Variants in OSTF1 observed in about 807,000 individuals in gnomAD.
OSTF1 encodes osteoclast stimulating factor 1.
OSTF1 carries 27 observed loss-of-function variants against 37.2 expected under a neutral mutation model. The observed-to-expected ratio is 0.73, with a 90% CI of 0.54 to 1.00. The LOEUF (loss-of-function observed/expected upper bound fraction) is 1.00, where lower values mean the gene tolerates loss of function less well. OSTF1 is among the 50% of genes least tolerant of loss of function. The pLI is 0.00. For missense variants in OSTF1, 232 were observed against 253.8 expected, an observed-to-expected ratio of 0.91 and a Z score of 0.58; for synonymous variants, 82 against 89.2, an observed-to-expected ratio of 0.92 and a Z score of 0.46.
chr9:75,091,117 G>A (rs1313727203), intron 1 of OSTF1, among the ~76,000 whole-genome samples: 2 of 122,978 alleles, frequency 1.6e-5, no homozygotes, highest in East Asian at 2.5e-4. Context: ...ACAGACTCTC[G>A]CTCTGTTGCC....
rs1035372295 is a variant in OSTF1 at position 75,088,550 on chromosome 9, C to A, written c.-143C>A. 3 of 876,100 alleles carry A rather than the reference C, an allele frequency of 3.4e-6. No individual in the cohort carries two copies. The highest frequency in any genetic ancestry group is 2.2e-5 in the Admixed American group (1 of 45,524). The allele number at this position is 876,100 out of a possible 1,614,324, so 54.3% of individuals were successfully genotyped here. A position where few individuals can be genotyped will look rare whatever the true frequency, so the allele number is the denominator to read the frequency against. On this transcript the variant is annotated 5_prime_UTR_variant, in exon 1 of 10. Coordinates refer to ENST00000346234, the MANE Select transcript of OSTF1 (RefSeq NM_012383.5). Reference sequence around the variant, plus strand: ...CCGCTCTGCCTGCGTCCGCTCTTCCCGCAGCCAAGGGTGGGCGCCGGTCCT... The same window carrying A: ...CCGCTCTGCCTGCGTCCGCTCTTCCAGCAGCCAAGGGTGGGCGCCGGTCCT...
intron 2 of OSTF1, among the ~76,000 whole-genome samples, chr9:75,124,689 C>T (rs1162141300): frequency 6.6e-6 from 1 of 152,184 alleles, no homozygotes; most frequent in African/African-American, 2.4e-5. Context: ...TCCCTATTCC[C>T]CCTGACTTTA....
intron 1 of OSTF1, among the ~76,000 whole-genome samples, chr9:75,115,906 C>A (rs1825480249): frequency 6.6e-6 from 1 of 151,920 alleles, no homozygotes. Context: ...GAGTTGGAGA[C>A]CAGCCTGGCC....
chr9:75,088,526 C>A lies in OSTF1; in HGVS notation c.-167C>A, dbSNP rs897361157. Reference sequence around the variant, plus strand: ...GGCGGGGCGGAGCACTCGGCGGAGCCGCTCTGCCTGCGTCCGCTCTTCCCG... The same window carrying A: ...GGCGGGGCGGAGCACTCGGCGGAGCAGCTCTGCCTGCGTCCGCTCTTCCCG... On this transcript the variant is annotated 5_prime_UTR_variant, in exon 1 of 10. Transcript: ENST00000346234. 4 of 718,216 alleles carry A rather than the reference C, an allele frequency of 5.6e-6. No homozygotes were observed. Among genetic ancestry groups the A allele is most frequent in the South Asian group, 5.1e-5 (3 of 58,482 alleles). The allele number at this position is 718,216 out of a possible 1,614,324, so 44.5% of individuals were successfully genotyped here. A position where few individuals can be genotyped will look rare whatever the true frequency, so the allele number is the denominator to read the frequency against.
At chr9:75,131,719 C>G in intron 4 of OSTF1, 51 bp from the exon 5 acceptor site, 1 of 1,412,874 alleles carries the variant, frequency 7.1e-7, no homozygotes, top group Non-Finnish European at 1.0e-6. Context: ...TTCAGTAAAT[C>G]ATTTGTGTGG....
At chr9:75,090,935 A>G (rs1327896178) in intron 1 of OSTF1, among the ~76,000 whole-genome samples, 2 of 152,230 alleles carry the variant, frequency 1.3e-5, no homozygotes, top group East Asian at 3.8e-4. Context: ...ATCTTATGAG[A>G]TCAGTACCAT....
intron 1 of OSTF1, among the ~76,000 whole-genome samples, chr9:75,100,092 A>G (rs1272783664): frequency 1.3e-5 from 2 of 152,242 alleles, no homozygotes; most frequent in African/African-American, 4.8e-5. Context: ...CTGCATGTAG[A>G]CAGTGGGTAT....
intron 1 of OSTF1, among the ~76,000 whole-genome samples, chr9:75,096,962 A>G (rs997564681): frequency 6.6e-5 from 10 of 152,126 alleles, no homozygotes; most frequent in Non-Finnish European, 1.5e-4. Flanking sequence ...GCTAGCACGT[A>G]TTATTTCATT....
intron 5 of OSTF1, among the ~76,000 whole-genome samples, chr9:75,132,258 A>G (rs73546390): frequency 0.011 from 1,697 of 152,314 alleles, 36 homozygotes; most frequent in African/African-American, 0.039. Context: ...TGGGTACAGC[A>G]TTTAGGAGAG....
At chr9:75,118,842 G>A (rs139064138) in intron 2 of OSTF1, among the ~76,000 whole-genome samples, 183 of 152,248 alleles carry the variant, frequency 1.2e-3, no homozygotes, top group Non-Finnish European at 1.9e-3. Flanking sequence ...CCCACCAGGT[G>A]CCTCCCACAA....
At chr9:75,139,023 G>A (rs1168809755) in intron 8 of OSTF1, among the ~76,000 whole-genome samples, 1 of 66,516 alleles carries the variant, frequency 1.5e-5, no homozygotes, top group Non-Finnish European at 3.5e-5. Flanking sequence ...TAAATTTGGG[G>A]ACACTTCTTT....
chr9:75,093,899 A>G (rs1825026524), intron 1 of OSTF1, among the ~76,000 whole-genome samples: 1 of 152,218 alleles, frequency 6.6e-6, no homozygotes, highest in African/African-American at 2.4e-5. Context: ...TGGTTAACAT[A>G]TATTTGGCCC....
chr9:75,111,613 G>A (rs936560931), intron 1 of OSTF1, among the ~76,000 whole-genome samples: 3 of 152,018 alleles, frequency 2.0e-5, no homozygotes, highest in Non-Finnish European at 4.4e-5. Context: ...GAATTCCAGG[G>A]TAATTTCAGG....
intron 1 of OSTF1, among the ~76,000 whole-genome samples, chr9:75,113,695 A>G (rs1226587462): frequency 6.6e-6 from 1 of 152,124 alleles, no homozygotes; most frequent in African/African-American, 2.4e-5. Flanking sequence ...ACAAGTAAAA[A>G]TTGTATACAT....
chr9:75,118,629 C>A (rs571530414), intron 2 of OSTF1, among the ~76,000 whole-genome samples: 1 of 152,174 alleles, frequency 6.6e-6, no homozygotes, highest in African/African-American at 2.4e-5. Context: ...ATACCTGAGA[C>A]TGGGTAATGT....
intron 1 of OSTF1, among the ~76,000 whole-genome samples, chr9:75,109,405 C>T (rs900657775): frequency 2.6e-5 from 4 of 152,194 alleles, no homozygotes; most frequent in Non-Finnish European, 5.9e-5. Flanking sequence ...GGTCATTTGG[C>T]ATTAGGCCAA....
At chr9:75,123,596 G>A (rs1564163046) in intron 2 of OSTF1, among the ~76,000 whole-genome samples, 1 of 152,178 alleles carries the variant, frequency 6.6e-6, no homozygotes, top group Non-Finnish European at 1.5e-5. Context: ...TTTCTTAATG[G>A]AAAATGTGAA....
chr9:75,093,219 T>C (rs1265102649), intron 1 of OSTF1, among the ~76,000 whole-genome samples: 11 of 152,092 alleles, frequency 7.2e-5, no homozygotes, highest in Non-Finnish European at 8.8e-5. Context: ...TTCCTTTTTC[T>C]GAATGAGTAC....
chr9:75,110,587 T>C (rs1316940003), intron 1 of OSTF1, among the ~76,000 whole-genome samples: 1 of 152,210 alleles, frequency 6.6e-6, no homozygotes, highest in Non-Finnish European at 1.5e-5. Context: ...TTCTTAACAT[T>C]CTTAAAAAGA....
Sources: allele counts gnomAD v4.1 joint callset (sites outside exome capture counted in the v4.1 genomes callset), GRCh38; gene constraint gnomAD v4.1.1; transcripts MANE v1.5; gene names NCBI Gene and HGNC (gene_info 2026-07-23, HGNC 2026-07-21).